The following SF3A1 variants were observed in gnomAD, a reference collection of about 807,000 sequenced individuals.
SF3A1 encodes SAP 114.
Under a neutral mutation model 89.9 loss-of-function variants are expected in SF3A1, and 13 were observed. The ratio of observed to expected loss-of-function variants is 0.14; its 90% CI spans 0.09 to 0.23. SF3A1 has a LOEUF of 0.23. Among genes scored for constraint, SF3A1 ranks in the 10% least tolerant of loss-of-function variants. The pLI, the probability that SF3A1 is intolerant of heterozygous loss-of-function variation, is 1.00. For synonymous variants in SF3A1, 405 were observed against 374.4 expected, an observed-to-expected ratio of 1.08 and a Z score of -0.94; for missense variants, 604 against 1,022.1, an observed-to-expected ratio of 0.59 and a Z score of 5.58.
chr22:30,355,634 C>G (rs552334124), intron 1 of SF3A1, among the ~76,000 whole-genome samples: 134 of 152,338 alleles, frequency 8.8e-4, no homozygotes, highest in South Asian at 7.0e-3. Flanking sequence ...CACTACGCTC[C>G]TAAGTCTATG....
Position 30,352,875 on chromosome 22 carries a change from A to G in SF3A1, c.185+76T>C, listed in dbSNP as rs188874499. On this transcript the variant is annotated intron_variant, in intron 2 of 15. Coordinates refer to ENST00000215793, the MANE Select transcript of SF3A1 (RefSeq NM_005877.6). ...CCCAAGCCAACAACGTCTCTTTAAA[A>G]ACCCTTGTGCTGATTCAGTGCTGAA... 193 of 1,548,978 alleles carry G rather than the reference A, an allele frequency of 1.2e-4. 2 individuals are homozygous for G. In the African/African-American group the frequency reaches 2.3e-3, roughly 19 times the overall value.
intron 12 of SF3A1, 80 bp from the exon 13 acceptor site, chr22:30,337,260 AGG>A: frequency 1.5e-6 from 2 of 1,322,566 alleles, no homozygotes; most frequent in Non-Finnish European, 1.0e-6. Context: ...TTGAGAGGGA[AGG>A]TTGCAAAGGT....
chr22:30,334,722 A>T, intron 15 of SF3A1, 27 bp from the exon 16 acceptor site: 1 of 1,549,400 alleles, frequency 6.5e-7, no homozygotes, highest in Non-Finnish European at 8.8e-7. Context: ...GTGCCTTAGC[A>T]TGGGGCAACC....
chr22:30,344,545 T>A (rs1009904007), intron 4 of SF3A1, among the ~76,000 whole-genome samples: 1 of 152,182 alleles, frequency 6.6e-6, no homozygotes, highest in Non-Finnish European at 1.5e-5. Flanking sequence ...GGAAAACACC[T>A]CATGGCTTCT....
At chr22:30,341,969 A>G (rs1485843183) in intron 6 of SF3A1, 84 bp from the exon 7 acceptor site, 2 of 1,389,124 alleles carry the variant, frequency 1.4e-6, no homozygotes, top group Non-Finnish European at 2.0e-6. Context: ...GGCTGGGGCC[A>G]TGTCTGTTTT....
intron 2 of SF3A1, among the ~76,000 whole-genome samples, chr22:30,348,185 G>A (rs1046494285): frequency 6.6e-6 from 1 of 152,230 alleles, no homozygotes; most frequent in Non-Finnish European, 1.5e-5. Flanking sequence ...AAGGGGCTAG[G>A]AGGGGTTGTT....
At chr22:30,342,075 G>T in intron 6 of SF3A1, 125 bp downstream of exon 6, 3 of 1,268,806 alleles carry the variant, frequency 2.4e-6, no homozygotes, top group African/African-American at 1.5e-5. Context: ...TTTGGGAGCA[G>T]GGAGGAGACA....
intron 1 of SF3A1, among the ~76,000 whole-genome samples, chr22:30,355,127 C>T (rs1359179541): frequency 6.6e-6 from 1 of 152,080 alleles, no homozygotes; most frequent in South Asian, 2.1e-4. Flanking sequence ...CAGGTTCAAG[C>T]AATTCTCTCC....
intron 11 of SF3A1, among the ~76,000 whole-genome samples, chr22:30,338,171 G>A (rs972949377): frequency 6.6e-6 from 1 of 152,106 alleles, no homozygotes; most frequent in African/African-American, 2.4e-5. Context: ...AAGAGGCTGA[G>A]ACCTTGGCCA....
rs11550687 is a variant in SF3A1, at chr22:30,342,874, C to T, written c.657G>A (p.Leu219=). Residue 219 remains leucine, a synonymous_variant, in exon 5 of 16, where the codon TTG becomes TTA. Coordinates refer to ENST00000215793, the MANE Select transcript of SF3A1 (RefSeq NM_005877.6). ...TKLVEQYTKI[L]IPPKGLFSKL... is the part of the protein sequence containing the mutation. ...TTGAAAATAAACCTTTGGGTGGAAT[C>T]AAGATCTGAAATACAGAAGAGTTAA... is the stretch of plus-strand genomic sequence containing the variant. 3.5e-5 allele frequency: 57 copies of T among 1,610,210 alleles called. No homozygotes were observed. The highest frequency in any genetic ancestry group is 4.6e-5 in the Non-Finnish European group (54 of 1,177,204).
Position 30,337,820 on chromosome 22 carries a change from C to T in SF3A1, c.1821G>A (p.Arg607=). Residue 607 remains arginine, a synonymous_variant, in exon 12 of 16, where the codon CGG becomes CGA. Transcript: ENST00000215793. ...GGGCGATCACTGAGCCTGGGGGCAG[C>T]CGGACCACAGATGCCATTGGGGGCC... ...MPRPPMASVV[R]LPPGSVIAPM... The T allele has an allele frequency of 6.2e-7, 1 of 1,605,738 alleles. No homozygotes were observed. The highest frequency in any genetic ancestry group is 8.5e-7 in the Non-Finnish European group (1 of 1,176,696).
chr22:30,356,196 C>A (rs1931824881), intron 1 of SF3A1, among the ~76,000 whole-genome samples: 1 of 152,186 alleles, frequency 6.6e-6, no homozygotes, highest in South Asian at 2.1e-4. Context: ...TTCTCGTTAG[C>A]CTGTGAGCTC....
chr22:30,337,176 A>G lies in SF3A1; in HGVS notation c.1956T>C (p.Phe652=). The G allele has an allele frequency of 6.2e-7, 1 of 1,608,210 alleles. No homozygotes were observed. Among genetic ancestry groups the G allele is most frequent in the Non-Finnish European group, 8.5e-7 (1 of 1,177,160 alleles). ...RPPPMIVPTA[F]VPAPPVAPVP... ...CAGGTGCCACAGGTGGAGCAGGCAC[A>G]AAGGCTGCAAAGACAAGAATAAGCA... is the stretch of plus-strand genomic sequence containing the variant. The change falls in exon 13 of 16, where the codon TTT becomes TTC. Residue 652 remains phenylalanine, a synonymous_variant. Coordinates refer to ENST00000215793, the MANE Select transcript of SF3A1 (RefSeq NM_005877.6).
rs921439428 is a variant in SF3A1 at position 30,337,953 on chromosome 22, A to G, written c.1744-56T>C. 3 of 1,315,728 alleles carry G rather than the reference A, an allele frequency of 2.3e-6. No homozygotes were observed. The African/African-American group carries it at 4.3e-5, about 19-fold the overall frequency. The allele number at this position is 1,315,728 out of a possible 1,614,324, so 81.5% of individuals were successfully genotyped here. A position where few individuals can be genotyped will look rare whatever the true frequency, so the allele number is the denominator to read the frequency against. On this transcript the variant is annotated intron_variant, in intron 11 of 15. Coordinates refer to ENST00000215793, the MANE Select transcript of SF3A1 (RefSeq NM_005877.6). ...GAAGCCAAAGTTGGACTCCAAGGTC[A>G]CACACAGTTGGCAACTGGCTGCCTG...
At chr22:30,338,665 C>T in intron 11 of SF3A1, 124 bp downstream of exon 11, 10 of 1,250,504 alleles carry the variant, frequency 8.0e-6, no homozygotes, top group Non-Finnish European at 1.0e-5. Flanking sequence ...GGCTCTTTCT[C>T]TTTCAAACTG....
chr22:30,337,671 T>G lies in SF3A1; in HGVS notation c.1951+19A>C. ...GTCCCTGAACTAATGGCCTGGAAAA[T>G]GATGCAAGAGATACTGACCTGTTGG... is the stretch of plus-strand genomic sequence containing the variant. On this transcript the variant is annotated intron_variant, in intron 12 of 15. Coordinates refer to ENST00000215793, the MANE Select transcript of SF3A1 (RefSeq NM_005877.6). The G allele has an allele frequency of 1.1e-6, 1 of 917,294 alleles. No individual in the cohort carries two copies. The highest frequency in any genetic ancestry group is 1.6e-6 in the Non-Finnish European group (1 of 634,738). 56.8% of individuals were successfully genotyped at this position (917,294 alleles called of 1,614,324 possible). A position where few individuals can be genotyped will look rare whatever the true frequency, so the allele number is the denominator to read the frequency against.
intron 2 of SF3A1, among the ~76,000 whole-genome samples, chr22:30,349,385 A>G (rs1220615766): frequency 6.6e-6 from 1 of 152,180 alleles, no homozygotes; most frequent in East Asian, 1.9e-4. Flanking sequence ...GGTTCAAACG[A>G]TTCTTCTGCC....
At chr22:30,336,547 C>T (rs1038034277) in intron 13 of SF3A1, among the ~76,000 whole-genome samples, 3 of 152,184 alleles carry the variant, frequency 2.0e-5, no homozygotes, top group African/African-American at 7.2e-5. Context: ...TGCAGCCTGA[C>T]AGCTTCCCTA....
At chr22:30,347,025 G>A (rs747107766) in intron 2 of SF3A1, among the ~76,000 whole-genome samples, 3 of 152,176 alleles carry the variant, frequency 2.0e-5, no homozygotes, top group Admixed American at 6.5e-5. Flanking sequence ...AAAGGTACAT[G>A]AGCACCAAAC....
Sources: gnomAD v4.1 joint callset for allele counts (sites outside exome capture counted in the v4.1 genomes callset) on GRCh38, gnomAD v4.1.1 for gene constraint, MANE v1.5 for transcripts, NCBI Gene and HGNC (gene_info 2026-07-23, HGNC 2026-07-21) for gene names.